Variants in WDR72 observed in about 807,000 individuals in gnomAD.
WDR72 encodes the protein WD repeat domain 72, also known as WD repeat-containing protein 72.
Under a neutral mutation model 124.2 loss-of-function variants are expected in WDR72, and 120 were observed. The observed-to-expected ratio is 0.97, with a 90% CI of 0.83 to 1.12. The LOEUF is 1.12. WDR72 is among the 50% of genes most tolerant of loss of function. The pLI, the probability that WDR72 is intolerant of heterozygous loss-of-function variation, is 0.00. For synonymous variants in WDR72, 452 were observed against 441.7 expected, an observed-to-expected ratio of 1.02 and a Z score of -0.29; for missense variants, 1,387 against 1,278.8, an observed-to-expected ratio of 1.08 and a Z score of -1.29.
At chr15:53,534,894 C>T (rs1025226691) in intron 18 of WDR72, among the ~76,000 whole-genome samples, 12 of 151,910 alleles carry the variant, frequency 7.9e-5, no homozygotes, top group African/African-American at 2.2e-4. Flanking sequence ...CCTGGGGCTA[C>T]GGGAGGAAAT....
At chr15:53,753,337 C>T (rs1056451578) in intron 1 of WDR72, among the ~76,000 whole-genome samples, 6 of 152,218 alleles carry the variant, frequency 3.9e-5, no homozygotes, top group South Asian at 4.1e-4. Context: ...CTAATGCCCA[C>T]GATTCTAGTG....
chr15:53,651,086 G>T (rs1345170347), intron 14 of WDR72, among the ~76,000 whole-genome samples: 2 of 151,772 alleles, frequency 1.3e-5, no homozygotes, highest in Non-Finnish European at 2.9e-5. Context: ...GACTCTTAAT[G>T]CTCCCTCCCC....
At chr15:53,543,807 G>T (rs534810705) in intron 18 of WDR72, among the ~76,000 whole-genome samples, 1 of 152,112 alleles carries the variant, frequency 6.6e-6, no homozygotes, top group African/African-American at 2.4e-5. Context: ...AATGATAAAG[G>T]GGATGTCACC....
At chr15:53,686,979 T>C (rs2016656116) in intron 13 of WDR72, among the ~76,000 whole-genome samples, 1 of 151,306 alleles carries the variant, frequency 6.6e-6, no homozygotes, top group African/African-American at 2.4e-5. Context: ...CATAACGAAA[T>C]GAAGGCGGAA....
chr15:53,618,537 T>C lies in WDR72; in HGVS notation c.1963-2294A>G, dbSNP rs547344888. 3.3e-5 allele frequency among the ~76,000 whole-genome samples: 5 copies of C among 152,140 alleles called. No individual in the cohort carries two copies. In the South Asian group the frequency reaches 1.0e-3, roughly 31 times the overall value. ...TGGTTATCCTCTCAATGGAATAATG[T>C]TTTTCTCAAAAGGTAGTCTTGTGTT... On this transcript the variant is annotated intron_variant, in intron 14 of 19. Coordinates refer to ENST00000360509, the MANE Select transcript of WDR72 (RefSeq NM_182758.4).
intron 6 of WDR72, among the ~76,000 whole-genome samples, chr15:53,713,411 GTATTTTATTTTATTTTATTTTATTT>G (rs11272007): frequency 1.1e-5 from 1 of 88,626 alleles, no homozygotes; most frequent in African/African-American, 3.8e-5. Flanking sequence ...TTATTTTGTT[GTATTTTATTTTATTTTATTTTATTT>G]TATTTTATTT....
chr15:53,523,344 G>C, intron 18 of WDR72, 22 bp from the exon 19 acceptor site: 1 of 1,608,728 alleles, frequency 6.2e-7, no homozygotes, highest in South Asian at 1.1e-5. Context: ...GAGAGAGAGA[G>C]AGAGAGAGAC....
intron 18 of WDR72, among the ~76,000 whole-genome samples, chr15:53,582,544 A>C (rs2011985273): frequency 6.6e-6 from 1 of 151,976 alleles, no homozygotes; most frequent in Non-Finnish European, 1.5e-5. Flanking sequence ...TGTGTTTTAG[A>C]AAAATCTTAT....
chr15:53,685,808 G>A (rs2016600448), intron 13 of WDR72, among the ~76,000 whole-genome samples: 1 of 146,190 alleles, frequency 6.8e-6, no homozygotes, highest in Non-Finnish European at 1.5e-5. Flanking sequence ...GGCAGCCAGA[G>A]AGAAAGGTCG....
At chr15:53,606,210 T>C (rs984786908) in intron 17 of WDR72, among the ~76,000 whole-genome samples, 1 of 152,206 alleles carries the variant, frequency 6.6e-6, no homozygotes, top group Admixed American at 6.5e-5. Context: ...GATCTTCAAG[T>C]GAGAGCAATT....
At chr15:53,607,951 A>G (rs923191112) in intron 17 of WDR72, among the ~76,000 whole-genome samples, 1 of 152,194 alleles carries the variant, frequency 6.6e-6, no homozygotes, top group Non-Finnish European at 1.5e-5. Flanking sequence ...TCAAAGCAAC[A>G]ATGCAATATC....
At chr15:53,633,948 T>A (rs1201779704) in intron 14 of WDR72, among the ~76,000 whole-genome samples, 1 of 152,184 alleles carries the variant, frequency 6.6e-6, no homozygotes, top group African/African-American at 2.4e-5. Context: ...ATTGAACTTT[T>A]TTTAAAGGAA....
chr15:53,593,101 C>T (rs2012588751), intron 18 of WDR72, among the ~76,000 whole-genome samples: 1 of 151,998 alleles, frequency 6.6e-6, no homozygotes, highest in Non-Finnish European at 1.5e-5. Context: ...ATTGGATTTC[C>T]ATTGCTTTCT....
Position 53,684,334 on chromosome 15 carries a change from G to A in WDR72, c.1765+15416C>T, listed in dbSNP as rs867984244. On this transcript the variant is annotated intron_variant, in intron 13 of 19. Transcript: ENST00000360509. ...CACTAGGGAGTGCCAGACAGTGGGC[G>A]CAGGTCAGTGGGTGTGCGCACCGTG... The A allele has an allele frequency of 9.0e-4, 139 of 155,026 alleles. 1 individual carries two copies. The highest frequency in any genetic ancestry group is 6.4e-3 in the Middle Eastern group (2 of 312). 9.6% of individuals were successfully genotyped at this position (155,026 alleles called of 1,614,324 possible).
intron 17 of WDR72, among the ~76,000 whole-genome samples, chr15:53,598,248 C>T (rs921223275): frequency 2.6e-4 from 39 of 151,890 alleles, no homozygotes; most frequent in African/African-American, 9.2e-4. Context: ...TTTCATATAG[C>T]TACATCCCAG....
At chr15:53,675,082 C>T (rs577710429) in intron 13 of WDR72, among the ~76,000 whole-genome samples, 6 of 152,274 alleles carry the variant, frequency 3.9e-5, no homozygotes, top group African/African-American at 1.2e-4. Context: ...ACGCTAGCAG[C>T]GTAACATCTA....
chr15:53,702,902 A>AT (rs34689229), intron 11 of WDR72, among the ~76,000 whole-genome samples: 11,602 of 143,682 alleles, frequency 0.081, 590 homozygotes, highest in African/African-American at 0.13. Flanking sequence ...ATTTTCATTC[A>AT]TTTTTTTTTT....
At chr15:53,541,344 C>T (rs374357692) in intron 18 of WDR72, among the ~76,000 whole-genome samples, 28 of 152,180 alleles carry the variant, frequency 1.8e-4, no homozygotes, top group East Asian at 9.7e-4. Flanking sequence ...CCCTGACCCC[C>T]GAGCAGCCTA....
intron 14 of WDR72, among the ~76,000 whole-genome samples, chr15:53,625,759 C>T (rs899126689): frequency 4.9e-5 from 7 of 141,874 alleles, no homozygotes; most frequent in Non-Finnish European, 7.7e-5. Flanking sequence ...ATCCAAAGTA[C>T]ATATAAAAAG....
Sources: allele counts gnomAD v4.1 joint callset (sites outside exome capture counted in the v4.1 genomes callset), GRCh38; gene constraint gnomAD v4.1.1; transcripts MANE v1.5; gene names NCBI Gene and HGNC (gene_info 2026-07-23, HGNC 2026-07-21).